Variants in ADAM19 observed in about 807,000 individuals in gnomAD.
The protein encoded by ADAM19 is disintegrin and metalloproteinase domain-containing protein 19.
ADAM19 carries 65 observed loss-of-function variants against 114.7 expected under a neutral mutation model. The ratio of observed to expected loss-of-function variants is 0.57; its 90% CI spans 0.46 to 0.70. The LOEUF is 0.70. Among genes scored for constraint, ADAM19 ranks in the 30% least tolerant of loss-of-function variants. The pLI is 0.00. For missense variants in ADAM19, 1,063 were observed against 1,204.7 expected, an observed-to-expected ratio of 0.88 and a Z score of 1.74; for synonymous variants, 466 against 460.5, an observed-to-expected ratio of 1.01 and a Z score of -0.15.
chr5:157,511,104 AG>A (rs1755906559), intron 8 of ADAM19, among the ~76,000 whole-genome samples: 1 of 152,174 alleles, frequency 6.6e-6, no homozygotes, highest in South Asian at 2.1e-4. Flanking sequence ...AAGCAGGAGG[AG>A]GGTTTTCTTT....
chr5:157,499,891 G>A (rs772324250), intron 12 of ADAM19, among the ~76,000 whole-genome samples: 2 of 149,102 alleles, frequency 1.3e-5, no homozygotes, highest in Non-Finnish European at 3.0e-5. Flanking sequence ...CGATTCTCCC[G>A]CCTCAGCCTC....
At chr5:157,487,570 C>T (rs1462546076) in intron 21 of ADAM19, among the ~76,000 whole-genome samples, 1 of 152,234 alleles carries the variant, frequency 6.6e-6, no homozygotes, top group Non-Finnish European at 1.5e-5. Flanking sequence ...ACTGGGGGAT[C>T]TCCTGCAGAA....
At chr5:157,571,051 T>C in intron 1 of ADAM19, 71 bp from the exon 2 acceptor site, 1 of 1,332,636 alleles carries the variant, frequency 7.5e-7, no homozygotes, top group South Asian at 1.2e-5. Context: ...ACATGCACTT[T>C]CTGTGAGCTG....
At chr5:157,545,069 C>A (rs543439207) in intron 3 of ADAM19, among the ~76,000 whole-genome samples, 22 of 152,338 alleles carry the variant, frequency 1.4e-4, no homozygotes, top group Admixed American at 1.2e-3. Flanking sequence ...GGACCACAAA[C>A]CAGCCTGCTA....
intron 2 of ADAM19, among the ~76,000 whole-genome samples, chr5:157,566,999 C>G (rs534100026): frequency 5.9e-5 from 9 of 152,264 alleles, no homozygotes; most frequent in African/African-American, 2.2e-4. Context: ...CCTTTCAATC[C>G]ACAAAATCAT....
intron 10 of ADAM19, among the ~76,000 whole-genome samples, chr5:157,506,503 G>T (rs1441462534): frequency 6.6e-6 from 1 of 152,238 alleles, no homozygotes; most frequent in Non-Finnish European, 1.5e-5. Context: ...AGAGCCTGTG[G>T]TTTTGGCCAT....
At chr5:157,535,073 T>C (rs1756726097) in intron 4 of ADAM19, among the ~76,000 whole-genome samples, 1 of 151,962 alleles carries the variant, frequency 6.6e-6, no homozygotes, top group East Asian at 1.9e-4. Context: ...GCTTATGAAT[T>C]CCCATAAAAA....
Position 157,491,857 on chromosome 5 carries a change from C to T in ADAM19, c.1964G>A (p.Gly655Glu). 1 of 1,614,210 alleles carries T rather than the reference C, an allele frequency of 6.2e-7. No homozygotes were observed. The highest frequency in any genetic ancestry group is 1.6e-4 in the Middle Eastern group (1 of 6,062). The change falls in exon 17 of 23, where the codon GGG becomes GAG. Residue 655 changes from glycine (G) to glutamate (E), a missense_variant. Coordinates refer to ENST00000257527, the MANE Select transcript of ADAM19 (RefSeq NM_033274.5). ...NTSFFETEGCGKKCNGHGVCN... is the reference protein window; with the variant it reads ...NTSFFETEGCEKKCNGHGVCN... The stretch of plus-strand genomic sequence containing the variant: ...CACCCCATGGCCATTGCACTTCTTC[C>T]CACAGCCTTCAGTTTCAAAGAAGGA...
At chr5:157,511,015 C>T (rs1755903093) in intron 8 of ADAM19, among the ~76,000 whole-genome samples, 1 of 152,168 alleles carries the variant, frequency 6.6e-6, no homozygotes, top group Non-Finnish European at 1.5e-5. Flanking sequence ...ATTCTATACC[C>T]AAGATCTGAC....
chr5:157,557,677 G>A (rs1334091330), intron 3 of ADAM19, among the ~76,000 whole-genome samples: 5 of 152,144 alleles, frequency 3.3e-5, no homozygotes, highest in Admixed American at 1.3e-4. Flanking sequence ...AGCAGATTTC[G>A]TGTCTAGTGA....
At chr5:157,541,502 T>C (rs145994396) in intron 3 of ADAM19, among the ~76,000 whole-genome samples, 84 of 152,082 alleles carry the variant, frequency 5.5e-4, no homozygotes, top group African/African-American at 1.8e-3. Flanking sequence ...AGCACTAGAG[T>C]TGAGCAAAAT....
Position 157,557,764 on chromosome 5 carries a change from G to A in ADAM19, c.251+6609C>T, listed in dbSNP as rs375773952. Among the ~76,000 whole-genome samples, 182 of 152,188 alleles carry A rather than the reference G, an allele frequency of 1.2e-3. 2 individuals are homozygous for A. Among genetic ancestry groups the A allele is most frequent in the African/African-American group, 3.9e-3 (162 of 41,514 alleles). On this transcript the variant is annotated intron_variant, in intron 3 of 22. Coordinates refer to ENST00000257527, the MANE Select transcript of ADAM19 (RefSeq NM_033274.5). Reference sequence around the variant, plus strand: ...GTGGAAAAGGTGAGCTAATTCTCTCGGGTCTCTTCTATCAGGGCACTAATC... The same window carrying A: ...GTGGAAAAGGTGAGCTAATTCTCTCAGGTCTCTTCTATCAGGGCACTAATC...
chr5:157,528,781 C>CTA (rs1756544935), intron 5 of ADAM19, among the ~76,000 whole-genome samples: 1 of 152,122 alleles, frequency 6.6e-6, no homozygotes, highest in South Asian at 2.1e-4. Flanking sequence ...TTTAAAAGTA[C>CTA]TATAATTACA....
chr5:157,550,500 T>C (rs1757162412), intron 3 of ADAM19, among the ~76,000 whole-genome samples: 1 of 152,148 alleles, frequency 6.6e-6, no homozygotes, highest in Non-Finnish European at 1.5e-5. Context: ...ACATATGAGT[T>C]TGGGGGGACA....
At chr5:157,523,915 T>C (rs192747334) in intron 5 of ADAM19, among the ~76,000 whole-genome samples, 55 of 152,228 alleles carry the variant, frequency 3.6e-4, no homozygotes, top group African/African-American at 1.2e-3. Context: ...AGATTACAAT[T>C]TGAGAGAAAC....
chr5:157,575,520 C>T (rs1757948807), intron 1 of ADAM19, 83 bp downstream of exon 1: 2 of 1,061,768 alleles, frequency 1.9e-6, no homozygotes, highest in South Asian at 4.0e-5. Flanking sequence ...GCAGGGGTCG[C>T]GGTCCCAGCG....
chr5:157,512,977 T>C (rs1401223924), intron 8 of ADAM19, among the ~76,000 whole-genome samples: 3 of 152,222 alleles, frequency 2.0e-5, no homozygotes, highest in Non-Finnish European at 4.4e-5. Context: ...ATTCTTAAAC[T>C]GGGCTCTTCC....
At chr5:157,486,669 C>T (rs970843397) in intron 21 of ADAM19, among the ~76,000 whole-genome samples, 2 of 151,986 alleles carry the variant, frequency 1.3e-5, no homozygotes, top group East Asian at 1.9e-4. Context: ...GTGGACTGCT[C>T]GCCCGACCCA....
chr5:157,521,324 T>G (rs957227566), intron 5 of ADAM19, among the ~76,000 whole-genome samples: 1 of 152,202 alleles, frequency 6.6e-6, no homozygotes, highest in Non-Finnish European at 1.5e-5. Context: ...CCCCATGGAC[T>G]CTAGCAGCAT....
Sources: allele counts gnomAD v4.1 joint callset (sites outside exome capture counted in the v4.1 genomes callset), GRCh38; gene constraint gnomAD v4.1.1; transcripts MANE v1.5; gene names NCBI Gene and HGNC (gene_info 2026-07-23, HGNC 2026-07-21).